The following FAM222B variants were observed in gnomAD, a reference collection of about 807,000 sequenced individuals.
FAM222B encodes the protein family with sequence similarity 222 member B.
In FAM222B, 12 loss-of-function variants were observed where a neutral mutation model predicts 38.0. The observed-to-expected ratio is 0.32, with a 90% CI of 0.20 to 0.51. The LOEUF is 0.51. FAM222B is among the 20% of genes least tolerant of loss of function. The pLI, the probability that FAM222B is intolerant of heterozygous loss-of-function variation, is 0.97. For missense variants in FAM222B, 716 were observed against 754.2 expected (o/e 0.95, Z 0.59); for synonymous variants, 329 against 317.2 (o/e 1.04, Z -0.40).
rs192676258 is a variant in FAM222B at position 28,779,322 on chromosome 17, A to C, written c.-40-12615T>G. On this transcript the variant is annotated intron_variant, in intron 1 of 2. Coordinates refer to ENST00000581407, the MANE Select transcript of FAM222B (RefSeq NM_001077498.3). ...ACCAAATTCAACAGCCCATTAAAAG[A>C]AGCATTCACCATGATCAAGTGAGAT... Among the ~76,000 whole-genome samples the C allele has an allele frequency of 8.5e-5, 13 of 152,328 alleles. No homozygotes were observed. In the East Asian group the frequency reaches 2.3e-3, roughly 27 times the overall value.
At chr17:28,823,362 A>AT (rs35057595) in intron 1 of FAM222B, among the ~76,000 whole-genome samples, 3,090 of 139,620 alleles carry the variant, frequency 0.022, 70 homozygotes, top group African/African-American at 0.056. Context: ...ACTCCGTTCT[A>AT]TTTTTTTTTT....
At position 28,822,870 on chromosome 17, in the gene FAM222B, CAT is replaced by C. The variant is rs147867693; in HGVS notation, c.-41+19810_-41+19811del. ...ATATATATATATATATATATACACACATATATATATATACACACACACATATA... is the reference window on the plus strand; with the variant it reads ...ATATATATATATATATATATACACACATATATATATACACACACACATATA... On this transcript the variant is annotated intron_variant, in intron 1 of 2. Transcript: ENST00000581407. 1.1e-4 allele frequency among the ~76,000 whole-genome samples: 10 copies of C among 88,146 alleles called. No individual in the cohort carries two copies. In the East Asian group the frequency reaches 1.5e-3, roughly 13 times the overall value. The allele number at this position is 88,146 out of a possible 152,430, so 57.8% of individuals were successfully genotyped here.
intron 1 of FAM222B, among the ~76,000 whole-genome samples, chr17:28,800,478 A>AATT (rs1385473691): frequency 6.6e-6 from 1 of 152,204 alleles, no homozygotes; most frequent in Non-Finnish European, 1.5e-5. Context: ...TTCTAGGCGC[A>AATT]CTAAGGAACA....
chr17:28,830,158 ATTC>A (rs1359348938), intron 1 of FAM222B, among the ~76,000 whole-genome samples: 2 of 86,890 alleles, frequency 2.3e-5, no homozygotes, highest in African/African-American at 9.8e-5. Flanking sequence ...CTCTTTATAC[ATTC>A]TTTTTTTTTT....
upstream of FAM222B, among the ~76,000 whole-genome samples, chr17:28,843,309 G>A (rs2039107357): frequency 6.8e-6 from 1 of 147,090 alleles, no homozygotes; most frequent in South Asian, 2.2e-4. Context: ...AGCTAATTTT[G>A]TATTTTTAGT....
At chr17:28,839,670 G>C (rs2038966573) in intron 1 of FAM222B, among the ~76,000 whole-genome samples, 1 of 152,038 alleles carries the variant, frequency 6.6e-6, no homozygotes. Context: ...GTCAAACATG[G>C]AATAAATTTC....
At chr17:28,785,336 T>C (rs1597910150) in intron 1 of FAM222B, among the ~76,000 whole-genome samples, 1 of 152,340 alleles carries the variant, frequency 6.6e-6, no homozygotes, top group East Asian at 1.9e-4. Flanking sequence ...CTGTTATCTA[T>C]ATTCTATGTG....
intron 1 of FAM222B, among the ~76,000 whole-genome samples, chr17:28,774,210 A>G (rs1235587245): frequency 6.6e-6 from 1 of 151,552 alleles, no homozygotes; most frequent in Non-Finnish European, 1.5e-5. Flanking sequence ...GTAAATTCCA[A>G]TATAATTTTA....
At chr17:28,854,941 C>A in intron 1 of FAM222B, 1 of 1,416,870 alleles carries the variant, frequency 7.1e-7, no homozygotes, top group Non-Finnish European at 9.4e-7. Flanking sequence ...TCAATTTGGG[C>A]AGACCTACCT....
Position 28,759,090 on chromosome 17 carries a change from C to T in FAM222B, c.869G>A (p.Gly290Asp). 1 of 1,611,438 alleles carries T rather than the reference C, an allele frequency of 6.2e-7. No individual in the cohort carries two copies. Among genetic ancestry groups the T allele is most frequent in the Non-Finnish European group, 8.5e-7 (1 of 1,178,908 alleles). ...AGISTTSVCEGQIANPSPISR... is the reference protein window; with the variant it reads ...AGISTTSVCEDQIANPSPISR... ...AATGGGGCTGGGGTTGGCGATCTGG[C>T]CCTCACACACTGAGGTAGTGCTGAT... Residue 290 changes from glycine to aspartate, a missense_variant, in exon 3 of 3, where the codon GGC (glycine) becomes GAC (aspartate). By Grantham distance (94) the Gly-to-Asp change is moderately conservative. Transcript: ENST00000581407. The surrounding 1 kb of genome is among the most constrained non-coding windows in gnomAD (Gnocchi z 4.8).
At chr17:28,780,153 G>C (rs1226916143) in intron 1 of FAM222B, among the ~76,000 whole-genome samples, 1 of 151,922 alleles carries the variant, frequency 6.6e-6, no homozygotes, top group Non-Finnish European at 1.5e-5. Flanking sequence ...TATATTTTTA[G>C]TAGAGACGGG....
At chr17:28,769,425 C>T (rs1026070958) in intron 1 of FAM222B, among the ~76,000 whole-genome samples, 2 of 152,056 alleles carry the variant, frequency 1.3e-5, no homozygotes, top group Non-Finnish European at 2.9e-5. Context: ...TCATGATCCG[C>T]CCGCCTCGGC....
intron 1 of FAM222B, among the ~76,000 whole-genome samples, chr17:28,778,501 C>T (rs374951393): frequency 6.8e-6 from 1 of 147,248 alleles, no homozygotes; most frequent in African/African-American, 2.5e-5. Context: ...GTGTTCCCCC[C>T]ACCCCCGCTT....
intron 1 of FAM222B, among the ~76,000 whole-genome samples, chr17:28,798,704 G>A (rs1023204454): frequency 4.0e-5 from 6 of 149,150 alleles, no homozygotes; most frequent in Non-Finnish European, 5.9e-5. Context: ...GCGCGATCTC[G>A]GCTCACTGCA....
intron 1 of FAM222B, among the ~76,000 whole-genome samples, chr17:28,832,238 G>T (rs1736317092): frequency 6.6e-6 from 1 of 151,894 alleles, no homozygotes; most frequent in Admixed American, 6.6e-5. Flanking sequence ...AAACAATGGA[G>T]GTATTAGGAG....
At chr17:28,825,747 TAC>T (rs1196512202) in intron 1 of FAM222B, among the ~76,000 whole-genome samples, 2 of 152,320 alleles carry the variant, frequency 1.3e-5, no homozygotes, top group African/African-American at 2.4e-5. Context: ...TATTTTTCTG[TAC>T]AGTGTTTATC....
intron 1 of FAM222B, among the ~76,000 whole-genome samples, chr17:28,774,289 G>A (rs903061577): frequency 1.3e-5 from 2 of 152,110 alleles, no homozygotes; most frequent in African/African-American, 4.8e-5. Context: ...GTTTCAGAAT[G>A]CAACTCTTAA....
chr17:28,815,935 C>A (rs557421141), intron 1 of FAM222B, among the ~76,000 whole-genome samples: 3 of 151,250 alleles, frequency 2.0e-5, no homozygotes, highest in Admixed American at 1.3e-4. Flanking sequence ...CCACTGCACT[C>A]CAGCCTGGGC....
intron 1 of FAM222B, among the ~76,000 whole-genome samples, chr17:28,847,913 C>CAAA (rs35199325): frequency 1.0e-5 from 1 of 99,470 alleles, no homozygotes; most frequent in Non-Finnish European, 2.2e-5. Flanking sequence ...GACTCCGCCT[C>CAAA]AAAAAAAAAA....
Sources: gnomAD v4.1 joint callset for allele counts (sites outside exome capture counted in the v4.1 genomes callset) on GRCh38, gnomAD v4.1.1 for gene constraint, Gnocchi (gnomAD v3.1) non-coding constraint, MANE v1.5 for transcripts, NCBI Gene and HGNC (gene_info 2026-07-23, HGNC 2026-07-21) for gene names.